The following JAM2 variants were observed in gnomAD, a reference collection of about 807,000 sequenced individuals.
The protein encoded by JAM2 is junctional adhesion molecule B.
A neutral mutation model predicts 42.0 loss-of-function variants in JAM2; 17 were observed. The ratio of observed to expected loss-of-function variants is 0.40; its 90% CI spans 0.28 to 0.61. The LOEUF (loss-of-function observed/expected upper bound fraction) is 0.61. JAM2 is among the 20% of genes least tolerant of loss of function. JAM2 has a pLI of 0.37. For missense variants in JAM2, 319 were observed against 358.3 expected (o/e 0.89, Z 0.89); for synonymous variants, 118 against 128.6 (o/e 0.92, Z 0.56).
At chr21:25,693,723 A>G in intron 3 of JAM2, 33 bp from the exon 4 acceptor site, 1 of 1,577,610 alleles carries the variant, frequency 6.3e-7, no homozygotes, top group Non-Finnish European at 8.7e-7. Flanking sequence ...TACTTGGATT[A>G]TTACTAACAT....
At chr21:25,666,342 T>TTATTATTATTATTA (rs1339025133) in intron 1 of JAM2, among the ~76,000 whole-genome samples, 1 of 70,888 alleles carries the variant, frequency 1.4e-5, no homozygotes, top group Admixed American at 1.4e-4. Flanking sequence ...TATTATTATT[T>TTATTATTATTATTA]GAGAAGGAGT....
intron 7 of JAM2, among the ~76,000 whole-genome samples, chr21:25,708,356 T>A (rs2034313317): frequency 1.3e-5 from 2 of 151,978 alleles, no homozygotes; most frequent in Non-Finnish European, 2.9e-5. Context: ...ATCACTTGAG[T>A]CCAGGACTTC....
intron 1 of JAM2, among the ~76,000 whole-genome samples, chr21:25,672,565 T>C (rs2033386098): frequency 6.6e-6 from 1 of 152,240 alleles, no homozygotes; most frequent in Non-Finnish European, 1.5e-5. Flanking sequence ...TTCTGTACTT[T>C]TAATCTTTAA....
At chr21:25,695,428 C>G (rs1306703411) in intron 4 of JAM2, among the ~76,000 whole-genome samples, 1 of 152,254 alleles carries the variant, frequency 6.6e-6, no homozygotes, top group Non-Finnish European at 1.5e-5. Flanking sequence ...CCCCACATTT[C>G]CCCCTTTTCT....
chr21:25,653,617 C>T (rs192661911), intron 1 of JAM2, among the ~76,000 whole-genome samples: 2,115 of 152,264 alleles, frequency 0.014, 36 homozygotes, highest in Non-Finnish European at 0.018. Context: ...CTTTATAAAA[C>T]CATCAGATCT....
intron 1 of JAM2, among the ~76,000 whole-genome samples, chr21:25,651,027 G>GTAAA (rs1366231437): frequency 9.8e-6 from 1 of 101,818 alleles, no homozygotes; most frequent in East Asian, 3.3e-4. Context: ...ATGTAAATAG[G>GTAAA]TAAATAAATA....
chr21:25,712,438 G>A, intron 9 of JAM2, 56 bp downstream of exon 9: 1 of 1,213,028 alleles, frequency 8.2e-7, no homozygotes, highest in Non-Finnish European at 1.2e-6. Flanking sequence ...ATAGGGCAGG[G>A]AAATGAAGTA....
chr21:25,648,450 T>TGTGTG (rs2032675900), intron 1 of JAM2, among the ~76,000 whole-genome samples: 1 of 148,384 alleles, frequency 6.7e-6, no homozygotes, highest in Non-Finnish European at 1.5e-5. Flanking sequence ...TGCCGTGTGT[T>TGTGTG]TGTGTGTGTG....
At position 25,689,192 on chromosome 21, in the gene JAM2, G is replaced by T. The variant is rs1776889394; in HGVS notation, c.134-674G>T. Among the ~76,000 whole-genome samples the T allele has an allele frequency of 2.6e-5, 4 of 152,276 alleles. No individual in the cohort carries two copies. The South Asian group carries it at 8.3e-4, about 32-fold the overall frequency. ...GATTTAATACTTTAATAATTATCTG[G>T]ACTGAGGCAAGGTTATATAGGCAGT... On this transcript the variant is annotated intron_variant, in intron 2 of 9. Coordinates refer to ENST00000480456, the MANE Select transcript of JAM2 (RefSeq NM_021219.4).
intron 1 of JAM2, among the ~76,000 whole-genome samples, chr21:25,670,114 T>G (rs1156771993): frequency 1.3e-5 from 2 of 152,180 alleles, no homozygotes; most frequent in Admixed American, 6.5e-5. Flanking sequence ...ATTACGACAA[T>G]TAGACTTTTG....
Position 25,693,970 on chromosome 21 carries a change from G to A in JAM2, c.394+62G>A. 4.5e-6 allele frequency: 7 copies of A among 1,539,384 alleles called. No homozygotes were observed. The South Asian group carries it at 5.9e-5, about 13-fold the overall frequency. On this transcript the variant is annotated intron_variant, in intron 4 of 9. Coordinates refer to ENST00000480456, the MANE Select transcript of JAM2 (RefSeq NM_021219.4). The stretch of plus-strand genomic sequence containing the variant: ...TCCTTCTCCACCACCCAGCCCTGGG[G>A]GCAAGCAAGCACTGGTCCATAAACA...
chr21:25,668,519 G>C (rs1440760747), intron 1 of JAM2, among the ~76,000 whole-genome samples: 1 of 152,146 alleles, frequency 6.6e-6, no homozygotes, highest in African/African-American at 2.4e-5. Context: ...TGTGATACGT[G>C]GGATCACTAA....
At chr21:25,645,008 G>A (rs2032564894) in intron 1 of JAM2, among the ~76,000 whole-genome samples, 3 of 152,122 alleles carry the variant, frequency 2.0e-5, no homozygotes, top group South Asian at 4.1e-4. Context: ...AGCCTCCTGA[G>A]TAGCTGGGAT....
chr21:25,671,496 T>G (rs2033360319), intron 1 of JAM2, among the ~76,000 whole-genome samples: 2 of 151,960 alleles, frequency 1.3e-5, no homozygotes, highest in South Asian at 4.1e-4. Context: ...AGAAAAAGAT[T>G]ATCTTTTTCT....
chr21:25,657,573 A>G (rs2032973156), intron 1 of JAM2, among the ~76,000 whole-genome samples: 1 of 152,222 alleles, frequency 6.6e-6, no homozygotes, highest in Admixed American at 6.5e-5. Flanking sequence ...TTTTGTTCAC[A>G]AAGAAGCAAA....
intron 1 of JAM2, among the ~76,000 whole-genome samples, chr21:25,661,425 C>A (rs745563722): frequency 6.6e-6 from 1 of 151,832 alleles, no homozygotes; most frequent in Non-Finnish European, 1.5e-5. Flanking sequence ...ATCATGCCAC[C>A]GCACACCAGC....
chr21:25,641,539 G>T (rs2032443288), intron 1 of JAM2, among the ~76,000 whole-genome samples: 1 of 151,730 alleles, frequency 6.6e-6, no homozygotes, highest in Admixed American at 6.6e-5. Flanking sequence ...TTTCTATATT[G>T]TTCCTGGGAT....
intron 4 of JAM2, among the ~76,000 whole-genome samples, chr21:25,694,650 G>A (rs961587575): frequency 6.6e-6 from 1 of 151,932 alleles, no homozygotes; most frequent in African/African-American, 2.4e-5. Flanking sequence ...GGGCAGCATA[G>A]TGAGTCCCCT....
At chr21:25,651,464 G>A (rs2032780011) in intron 1 of JAM2, among the ~76,000 whole-genome samples, 1 of 152,158 alleles carries the variant, frequency 6.6e-6, no homozygotes, top group Admixed American at 6.5e-5. Flanking sequence ...ATGGAAATAG[G>A]CATTCTACAT....
Sources: gnomAD v4.1 joint callset for allele counts (sites outside exome capture counted in the v4.1 genomes callset) on GRCh38, gnomAD v4.1.1 for gene constraint, MANE v1.5 for transcripts, NCBI Gene and HGNC (gene_info 2026-07-23, HGNC 2026-07-21) for gene names.